The following FAM200B variants were observed in gnomAD, a reference collection of about 807,000 sequenced individuals.
FAM200B encodes the protein zinc finger BED-type containing 11, also known as protein FAM200B.
A neutral mutation model predicts 33.1 loss-of-function variants in FAM200B; 32 were observed. The ratio of observed to expected loss-of-function variants is 0.97; its 90% CI spans 0.73 to 1.30. FAM200B has a LOEUF of 1.30. Ranked by LOEUF, FAM200B falls within the 50% of genes most tolerant of loss-of-function variation. FAM200B has a pLI of 0.00. For synonymous variants in FAM200B, 240 were observed against 264.8 expected (o/e 0.91, Z 0.91); for missense variants, 741 against 754.0 (o/e 0.98, Z 0.20).
chr4:15,657,079 C>A, the FAM200B span, among the ~76,000 whole-genome samples: 2 of 152,288 alleles, frequency 1.3e-5, no homozygotes, highest in East Asian at 3.9e-4. Flanking sequence ...TCTCTTCCTC[C>A]TTCTCCCTTT....
In FAM200B at chr4:15,688,305, G is replaced by A. The variant is rs4235380; in HGVS notation, c.1328G>A (p.Ser443Asn). The change falls in exon 2 of 2, where the codon AGT becomes AAT. Residue 443 changes from serine to asparagine, a missense_variant. Ser to Asn is a conservative substitution (Grantham distance 46). Coordinates refer to ENST00000422728, the MANE Select transcript of FAM200B (RefSeq NM_001145191.2). ...TDIFSILNEL[S>N]LKLQGKNSDV... Reference sequence around the variant, plus strand: ...ATTTTTAGCATTCTTAATGAACTGAGTTTAAAACTACAGGGGAAAAACAGT... The same window carrying A: ...ATTTTTAGCATTCTTAATGAACTGAATTTAAAACTACAGGGGAAAAACAGT... 0.3 allele frequency: 465,758 copies of A among 1,548,382 alleles called. 71,403 individuals are homozygous for A. The highest frequency in any genetic ancestry group is 0.44 in the East Asian group (17,876 of 40,822).
chr4:15,663,019 C>T, the FAM200B span, among the ~76,000 whole-genome samples: 1 of 152,008 alleles, frequency 6.6e-6, no homozygotes, highest in Non-Finnish European at 1.5e-5. Context: ...AAAATATTTA[C>T]CAAATGTAAC....
At chr4:15,675,827 C>T in the FAM200B span, among the ~76,000 whole-genome samples, 1 of 152,076 alleles carries the variant, frequency 6.6e-6, no homozygotes, top group African/African-American at 2.4e-5. Flanking sequence ...AGATGATCCG[C>T]CTGCCTCGGC....
the FAM200B span, among the ~76,000 whole-genome samples, chr4:15,674,994 CATT>C: frequency 6.6e-6 from 1 of 152,062 alleles, no homozygotes; most frequent in African/African-American, 2.4e-5. Context: ...TACCTACAAT[CATT>C]GTTTGCACAA....
At chr4:15,652,295 T>C in the FAM200B span, among the ~76,000 whole-genome samples, 2 of 152,216 alleles carry the variant, frequency 1.3e-5, no homozygotes, top group Non-Finnish European at 2.9e-5. Flanking sequence ...TATGATTTAA[T>C]ATAAAGAAAA....
At chr4:15,670,644 C>A in the FAM200B span, among the ~76,000 whole-genome samples, 9 of 152,020 alleles carry the variant, frequency 5.9e-5, no homozygotes, top group Admixed American at 4.6e-4. Context: ...CCCCTCCCCC[C>A]ACAAAAGAAA....
chr4:15,651,610 A>G, the FAM200B span, among the ~76,000 whole-genome samples: 1 of 152,220 alleles, frequency 6.6e-6, no homozygotes, highest in African/African-American at 2.4e-5. Context: ...AACTGACAAT[A>G]AAGCTATACT....
the FAM200B span, among the ~76,000 whole-genome samples, chr4:15,641,832 G>C: frequency 1.3e-5 from 2 of 151,944 alleles, no homozygotes; most frequent in Admixed American, 6.6e-5. Flanking sequence ...TTCAAGACCA[G>C]CCAGCCCAAC....
chr4:15,676,054 C>T, the FAM200B span, among the ~76,000 whole-genome samples: 1 of 152,170 alleles, frequency 6.6e-6, no homozygotes, highest in South Asian at 2.1e-4. Flanking sequence ...TTGGCAAATA[C>T]TTAACTTTCT....
At chr4:15,668,346 T>G in the FAM200B span, among the ~76,000 whole-genome samples, 2 of 151,952 alleles carry the variant, frequency 1.3e-5, no homozygotes, top group African/African-American at 4.8e-5. Flanking sequence ...AATGATGAAG[T>G]AAAAACTGCT....
the FAM200B span, among the ~76,000 whole-genome samples, chr4:15,655,685 G>C: frequency 6.6e-6 from 1 of 152,364 alleles, no homozygotes; most frequent in Middle Eastern, 3.4e-3. Flanking sequence ...CGGCCTTGAG[G>C]AGAGGCAGCC....
At chr4:15,665,460 A>C in the FAM200B span, among the ~76,000 whole-genome samples, 2 of 152,146 alleles carry the variant, frequency 1.3e-5, no homozygotes, top group South Asian at 2.1e-4. Context: ...GAATTACCCC[A>C]ACCAATTCAG....
At chr4:15,656,877 T>C in the FAM200B span, among the ~76,000 whole-genome samples, 2 of 151,958 alleles carry the variant, frequency 1.3e-5, no homozygotes, top group Non-Finnish European at 2.9e-5. Context: ...CTTCAAGACA[T>C]TCTAGTAGTT....
At chr4:15,657,152 G>A in the FAM200B span, among the ~76,000 whole-genome samples, 17 of 152,210 alleles carry the variant, frequency 1.1e-4, no homozygotes, top group African/African-American at 3.9e-4. Flanking sequence ...CCTCCAGAGA[G>A]CATTTTCTTA....
At chr4:15,674,162 T>C in the FAM200B span, among the ~76,000 whole-genome samples, 1 of 151,662 alleles carries the variant, frequency 6.6e-6, no homozygotes, top group Non-Finnish European at 1.5e-5. Context: ...CTTACTTCTC[T>C]GGAAATACTA....
intron 1 of FAM200B, chr4:15,684,978 T>G (rs1577538945): frequency 6.6e-6 from 1 of 152,202 alleles, no homozygotes; most frequent in Non-Finnish European, 1.5e-5. Context: ...AGGTACCATA[T>G]GTAATCTGTA....
chr4:15,689,010 A>T lies in FAM200B; in HGVS notation c.*59A>T. On this transcript the variant is annotated 3_prime_UTR_variant, in exon 2 of 2. Coordinates refer to ENST00000422728, the MANE Select transcript of FAM200B (RefSeq NM_001145191.2). ...ATTTCTTATTTTGTAGTATTTTTCT[A>T]TGTTATATTTAAATGGTACTATAAT... 1 of 1,274,508 alleles carries T rather than the reference A, an allele frequency of 7.8e-7. No individual in the cohort carries two copies. The highest frequency in any genetic ancestry group is 1.0e-6 in the Non-Finnish European group (1 of 966,760). The allele number at this position is 1,274,508 out of a possible 1,614,324, so 78.9% of individuals were successfully genotyped here.
At chr4:15,685,068 G>A (rs1337868552) in intron 1 of FAM200B, 1 of 151,602 alleles carries the variant, frequency 6.6e-6, no homozygotes, top group Non-Finnish European at 1.5e-5. Context: ...TGTATTAAAA[G>A]GTATAAAACC....
upstream of FAM200B, among the ~76,000 whole-genome samples, chr4:15,679,547 G>T (rs1432257292): frequency 2.7e-5 from 4 of 145,658 alleles, no homozygotes; most frequent in Non-Finnish European, 6.0e-5. Context: ...ATATGCTAAA[G>T]GTACAGTTCA....
Sources: gnomAD v4.1 joint callset for allele counts (sites outside exome capture counted in the v4.1 genomes callset) on GRCh38, gnomAD v4.1.1 for gene constraint, MANE v1.5 for transcripts, NCBI Gene and HGNC (gene_info 2026-07-23, HGNC 2026-07-21) for gene names.